The following DYNC2H1 variants were observed in gnomAD, a reference collection of about 807,000 sequenced individuals.
DYNC2H1 encodes the protein dynein cytoplasmic 2 heavy chain 1, also known as cytoplasmic dynein 2 heavy chain 1.
DYNC2H1 carries 410 observed loss-of-function variants against 570.0 expected under a neutral mutation model. The observed-to-expected ratio is 0.72, with a 90% CI of 0.66 to 0.78. DYNC2H1 has a LOEUF of 0.78. Among genes scored for constraint, DYNC2H1 ranks in the 30% least tolerant of loss-of-function variants. DYNC2H1 has a pLI of 0.00. For missense variants in DYNC2H1, 4,865 were observed against 5,046.4 expected (o/e 0.96, Z 1.09); for synonymous variants, 1,688 against 1,677.6 (o/e 1.01, Z -0.15).
intron 35 of DYNC2H1, among the ~76,000 whole-genome samples, chr11:103,173,842 T>C (rs1861678110): frequency 6.6e-6 from 1 of 152,138 alleles, no homozygotes; most frequent in African/African-American, 2.4e-5. Context: ...AATTAGCTTG[T>C]TCATAAAAGC....
At chr11:103,441,079 T>C (rs1591761185) in intron 85 of DYNC2H1, among the ~76,000 whole-genome samples, 2 of 152,150 alleles carry the variant, frequency 1.3e-5, no homozygotes, top group African/African-American at 4.8e-5. Flanking sequence ...TTACACATCC[T>C]ACAAGTTTCT....
intron 82 of DYNC2H1, among the ~76,000 whole-genome samples, chr11:103,351,673 C>CG (rs1389458762): frequency 2.0e-5 from 3 of 151,960 alleles, no homozygotes; most frequent in Non-Finnish European, 4.4e-5. Context: ...TCCTGTATAT[C>CG]TTTTTAAAAA....
chr11:103,443,884 A>G (rs72987444), intron 85 of DYNC2H1, among the ~76,000 whole-genome samples: 10,541 of 151,840 alleles, frequency 0.069, 440 homozygotes, highest in Non-Finnish European at 0.095. Context: ...AAATTTTGAG[A>G]TAGCAAAGTT....
chr11:103,287,477 G>C, intron 74 of DYNC2H1, 56 bp from the exon 75 acceptor site: 1 of 1,333,378 alleles, frequency 7.5e-7, no homozygotes, highest in Non-Finnish European at 1.0e-6. Flanking sequence ...TTATTGTTTA[G>C]TTAAAGTAGT....
At chr11:103,122,707 T>C (rs1858781938) in intron 10 of DYNC2H1, 118 bp from the exon 11 acceptor site, 3 of 885,872 alleles carry the variant, frequency 3.4e-6, no homozygotes, top group Non-Finnish European at 5.0e-6. Context: ...CGTTTCACTG[T>C]TTATAGATGA....
intron 63 of DYNC2H1, among the ~76,000 whole-genome samples, chr11:103,242,225 T>C (rs1219249680): frequency 1.3e-5 from 2 of 152,102 alleles, no homozygotes; most frequent in Non-Finnish European, 2.9e-5. Context: ...ACATACAATG[T>C]TTTTTCTAAA....
At chr11:103,137,609 A>G (rs1591298830) in intron 17 of DYNC2H1, among the ~76,000 whole-genome samples, 1 of 152,046 alleles carries the variant, frequency 6.6e-6, no homozygotes, top group African/African-American at 2.4e-5. Flanking sequence ...TACCAGTACC[A>G]TGTTGTTTTG....
intron 75 of DYNC2H1, 196 bp downstream of exon 75, chr11:103,287,801 C>T: frequency 1.9e-6 from 1 of 527,198 alleles, no homozygotes; most frequent in East Asian, 3.2e-5. Flanking sequence ...CTGTAACTGC[C>T]CAACAGGTTC....
rs189178374 is a variant in DYNC2H1, at chr11:103,282,443, A to T, written c.10812+214A>T. Reference sequence around the variant, plus strand: ...ATATATTCTGAGAATAATATGTCATACTAATGAATTAATGCAGTTTCTTTT... The same window carrying T: ...ATATATTCTGAGAATAATATGTCATTCTAATGAATTAATGCAGTTTCTTTT... On this transcript the variant is annotated intron_variant, in intron 72 of 88. Coordinates refer to ENST00000375735, the MANE Select transcript of DYNC2H1 (RefSeq NM_001377.3). Among the ~76,000 whole-genome samples the T allele has an allele frequency of 3.7e-3, 561 of 152,126 alleles. 3 individuals carry two copies. Among genetic ancestry groups the T allele is most frequent in the African/African-American group, 0.013 (536 of 41,568 alleles).
chr11:103,231,860 CTG>C lies in DYNC2H1; in HGVS notation c.9440+524_9440+525del, dbSNP rs1358473909. Among the ~76,000 whole-genome samples the C allele has an allele frequency of 4.0e-5, 6 of 151,636 alleles. No individual in the cohort carries two copies. The South Asian group carries it at 8.3e-4, about 21-fold the overall frequency. On this transcript the variant is annotated intron_variant, in intron 60 of 88. Coordinates refer to ENST00000375735, the MANE Select transcript of DYNC2H1 (RefSeq NM_001377.3). ...ACGTTCAGGAAACAATTTTCTCTCT[CTG>C]TGTGTGTGTTTCTCTCTCCCCCTCT...
intron 62 of DYNC2H1, 115 bp downstream of exon 62, chr11:103,235,928 TG>T (rs1161669526): frequency 1.5e-6 from 2 of 1,298,712 alleles, no homozygotes; most frequent in Non-Finnish European, 1.0e-6. Flanking sequence ...CTTTTTTAAA[TG>T]GGGGAAATTT....
chr11:103,302,810 C>T (rs1444752339), intron 75 of DYNC2H1, among the ~76,000 whole-genome samples: 2 of 151,966 alleles, frequency 1.3e-5, no homozygotes, highest in Admixed American at 1.3e-4. Flanking sequence ...TCTCAATTTA[C>T]AACACAGATG....
In DYNC2H1 at chr11:103,129,475, G is replaced by A. The variant is rs1859157232; in HGVS notation, c.1953+470G>A. On this transcript the variant is annotated intron_variant, in intron 13 of 88. Coordinates refer to ENST00000375735, the MANE Select transcript of DYNC2H1 (RefSeq NM_001377.3). This position sits in a 1 kb window ranked among gnomAD's most constrained non-coding sequence, Gnocchi z 4.1. ...GGCGGGTGGATCACCTGACATCAGG[G>A]GTTTGAGACCAGCCTGGCCAACATG... Among the ~76,000 whole-genome samples the A allele has an allele frequency of 6.6e-6, 1 of 152,012 alleles. No homozygotes were observed. The highest frequency in any genetic ancestry group is 1.5e-5 in the Non-Finnish European group (1 of 67,990).
intron 75 of DYNC2H1, among the ~76,000 whole-genome samples, chr11:103,292,674 G>T (rs971242805): frequency 6.6e-6 from 1 of 152,212 alleles, no homozygotes; most frequent in Non-Finnish European, 1.5e-5. Context: ...AATAGTGAGT[G>T]AGTTCTCTCA....
chr11:103,184,712 A>T (rs1352939720), intron 40 of DYNC2H1, among the ~76,000 whole-genome samples, 184 bp from the exon 41 acceptor site: 2 of 151,928 alleles, frequency 1.3e-5, no homozygotes, highest in Admixed American at 6.6e-5. Flanking sequence ...TACTTTCATG[A>T]TTACTTTTTA....
chr11:103,353,773 A>C (rs1197082045), intron 82 of DYNC2H1, among the ~76,000 whole-genome samples: 2 of 152,142 alleles, frequency 1.3e-5, no homozygotes, highest in Non-Finnish European at 2.9e-5. Context: ...TTAACTATTA[A>C]CATATAAACA....
At chr11:103,140,059 A>G (rs1472813502) in intron 17 of DYNC2H1, among the ~76,000 whole-genome samples, 1 of 151,436 alleles carries the variant, frequency 6.6e-6, no homozygotes, top group African/African-American at 2.4e-5. Flanking sequence ...TTTGTTTTCC[A>G]TTTGCTTGGT....
rs991681136 is a variant in DYNC2H1 at position 103,109,478 on chromosome 11, C to T, written c.-97C>T. ...GCTCTGCGGTCCCGCGGTCGGGCTA[C>T]GGGTTTGAGCAAAGCTCCTCTCTTC... On this transcript the variant is annotated 5_prime_UTR_variant, in exon 1 of 89. The change creates a new upstream start codon in the 5' untranslated region. Coordinates refer to ENST00000375735, the MANE Select transcript of DYNC2H1 (RefSeq NM_001377.3). 2 of 1,234,750 alleles carry T rather than the reference C, an allele frequency of 1.6e-6. No individual in the cohort carries two copies. The highest frequency in any genetic ancestry group is 2.2e-6 in the Non-Finnish European group (2 of 894,050). The allele number at this position is 1,234,750 out of a possible 1,614,324, so 76.5% of individuals were successfully genotyped here.
At position 103,157,948 on chromosome 11, in the gene DYNC2H1, CT is replaced by C. The variant is rs1169016380; in HGVS notation, c.4128-724del. Among the ~76,000 whole-genome samples the C allele has an allele frequency of 2.6e-5, 4 of 152,266 alleles. No individual in the cohort carries two copies. Among genetic ancestry groups the C allele is most frequent in the Admixed American group, 1.3e-4 (2 of 15,288 alleles). On this transcript the variant is annotated intron_variant, in intron 26 of 88. Coordinates refer to ENST00000375735, the MANE Select transcript of DYNC2H1 (RefSeq NM_001377.3). The surrounding 1 kb of genome is among the most constrained non-coding windows in gnomAD (Gnocchi z 4.2). The stretch of plus-strand genomic sequence containing the variant: ...GCCAGAAACGTCTTCTACTCACTCA[CT>C]TTTTCATTTTATTCTTCATCTGCAT...
Sources: gnomAD v4.1 joint callset for allele counts (sites outside exome capture counted in the v4.1 genomes callset) on GRCh38, gnomAD v4.1.1 for gene constraint, Gnocchi (gnomAD v3.1) non-coding constraint, MANE v1.5 for transcripts, NCBI Gene and HGNC (gene_info 2026-07-23, HGNC 2026-07-21) for gene names.